PARVA: variants seen among roughly 807,000 people sequenced by gnomAD.
The protein encoded by PARVA is parvin alpha.
Under a neutral mutation model 52.6 loss-of-function variants are expected in PARVA, and 25 were observed. That is an observed-to-expected ratio of 0.48 (90% CI 0.35 to 0.66). The LOEUF is 0.66. PARVA is among the 30% of genes least tolerant of loss of function. PARVA has a pLI of 0.01. For synonymous variants in PARVA, 185 were observed against 179.1 expected, an observed-to-expected ratio of 1.03 and a Z score of -0.26; for missense variants, 373 against 450.9, an observed-to-expected ratio of 0.83 and a Z score of 1.56.
intron 1 of PARVA, among the ~76,000 whole-genome samples, chr11:12,379,936 T>A (rs1939461407): frequency 6.6e-6 from 1 of 152,190 alleles, no homozygotes; most frequent in Non-Finnish European, 1.5e-5. Context: ...TGAGAAATAT[T>A]GAAGCTCATG....
chr11:12,392,180 T>C (rs2134955128), intron 1 of PARVA, among the ~76,000 whole-genome samples: 1 of 152,082 alleles, frequency 6.6e-6, no homozygotes, highest in African/African-American at 2.4e-5. Flanking sequence ...TAGAATAATA[T>C]ATGGTGTTTT....
intron 5 of PARVA, among the ~76,000 whole-genome samples, chr11:12,497,734 GC>G (rs1445721183): frequency 6.6e-6 from 1 of 152,192 alleles, no homozygotes; most frequent in Admixed American, 6.5e-5. Context: ...AAGGAGAGGG[GC>G]TCTGTTTCAC....
At chr11:12,489,067 G>A (rs899295944) in intron 4 of PARVA, among the ~76,000 whole-genome samples, 36 of 151,918 alleles carry the variant, frequency 2.4e-4, no homozygotes, top group African/African-American at 8.5e-4. Flanking sequence ...GCTCATACCT[G>A]TAGCCCCAGC....
intron 4 of PARVA, among the ~76,000 whole-genome samples, chr11:12,484,136 A>G (rs1941125752): frequency 6.6e-6 from 1 of 152,192 alleles, no homozygotes; most frequent in African/African-American, 2.4e-5. Context: ...TACATTCACA[A>G]CACCTAGGCA....
intron 1 of PARVA, among the ~76,000 whole-genome samples, chr11:12,419,838 C>T (rs566629194): frequency 2.6e-5 from 4 of 152,196 alleles, no homozygotes; most frequent in East Asian, 1.9e-4. Flanking sequence ...CTAGCCCTAC[C>T]GTGGTTAATG....
chr11:12,380,064 T>C (rs556393843), intron 1 of PARVA, among the ~76,000 whole-genome samples: 3 of 152,308 alleles, frequency 2.0e-5, no homozygotes, highest in East Asian at 3.9e-4. Flanking sequence ...CTTGCTGAAG[T>C]AGGCTATCCT....
chr11:12,377,157 G>GGGC (rs1355398982), upstream of PARVA: 1 of 222,840 alleles, frequency 4.5e-6, no homozygotes, highest in African/African-American at 2.3e-5. Flanking sequence ...GCAGTCTTGT[G>GGGC]GGCGCAAGAC....
intron 1 of PARVA, among the ~76,000 whole-genome samples, chr11:12,384,236 G>A (rs1480998490): frequency 6.6e-6 from 1 of 152,186 alleles, no homozygotes. Context: ...AAAGTCTCCT[G>A]ATACTGGTTT....
intron 12 of PARVA, among the ~76,000 whole-genome samples, chr11:12,522,412 A>G (rs1941647790): frequency 1.6e-5 from 2 of 124,764 alleles, no homozygotes; most frequent in Admixed American, 1.9e-4. Context: ...ACAAATCAAG[A>G]GCTTTATTCT....
At chr11:12,428,784 T>C (rs999691630) in intron 1 of PARVA, among the ~76,000 whole-genome samples, 1 of 152,208 alleles carries the variant, frequency 6.6e-6, no homozygotes, top group Admixed American at 6.5e-5. Flanking sequence ...AGAAAGCTTC[T>C]GAGACTGACC....
At chr11:12,435,188 C>T (rs187207198) in intron 1 of PARVA, among the ~76,000 whole-genome samples, 1 of 152,286 alleles carries the variant, frequency 6.6e-6, no homozygotes, top group Admixed American at 6.5e-5. Flanking sequence ...TCTTGAAGCT[C>T]TCCTCTTCCT....
intron 1 of PARVA, 21 bp downstream of exon 1, chr11:12,377,804 C>T: frequency 2.7e-6 from 4 of 1,471,776 alleles, no homozygotes; most frequent in Non-Finnish European, 3.6e-6. Context: ...CCAGGCCGGC[C>T]GGGCGGGCGG....
chr11:12,399,728 A>T (rs12273097), intron 1 of PARVA, among the ~76,000 whole-genome samples: 24,743 of 152,018 alleles, frequency 0.16, 3,681 homozygotes, highest in African/African-American at 0.4. Context: ...TCATTACATT[A>T]CCCATTACAA....
chr11:12,415,007 C>T (rs1213392872), intron 1 of PARVA, among the ~76,000 whole-genome samples: 2 of 152,182 alleles, frequency 1.3e-5, no homozygotes, highest in African/African-American at 2.4e-5. Context: ...GACCTAGCGT[C>T]GGCTGTCAGG....
At chr11:12,431,340 C>T (rs925222680) in intron 1 of PARVA, among the ~76,000 whole-genome samples, 2 of 152,202 alleles carry the variant, frequency 1.3e-5, no homozygotes, top group Admixed American at 6.5e-5. Flanking sequence ...TCAATCTTGG[C>T]CTTGAGCCAC....
rs748647383 is a variant in PARVA, at chr11:12,508,607, T to C, written c.681T>C (p.Ser227=). Residue 227 remains serine (S), a synonymous_variant, in exon 7 of 13, where the codon TCT becomes TCC. Transcript: ENST00000334956. ...AGAAACGAGAAGGAATCCTCCAGTCTCGGCAAATCCAAGAGGAAATAACTG... is the reference window on the plus strand; with the variant it reads ...AGAAACGAGAAGGAATCCTCCAGTCCCGGCAAATCCAAGAGGAAATAACTG... ...VVQKREGILQ[S]RQIQEEITGN... 2 of 1,609,412 alleles carry C rather than the reference T, an allele frequency of 1.2e-6. No individual in the cohort carries two copies. The highest frequency in any genetic ancestry group is 2.7e-5 in the African/African-American group (2 of 74,528).
intron 8 of PARVA, among the ~76,000 whole-genome samples, chr11:12,511,815 G>A (rs989708042): frequency 4.6e-5 from 7 of 152,264 alleles, no homozygotes; most frequent in South Asian, 2.1e-4. Context: ...ATGAAGCCAC[G>A]ATTACACCCC....
intron 1 of PARVA, among the ~76,000 whole-genome samples, chr11:12,454,303 G>C (rs1474962875): frequency 6.6e-6 from 1 of 152,182 alleles, no homozygotes; most frequent in Non-Finnish European, 1.5e-5. Context: ...TGACTAAATA[G>C]TATAATTTTT....
intron 4 of PARVA, among the ~76,000 whole-genome samples, chr11:12,492,260 T>G (rs1313902851): frequency 6.6e-6 from 1 of 152,160 alleles, no homozygotes; most frequent in Non-Finnish European, 1.5e-5. Context: ...GGGTAATACC[T>G]TCAAAAACAA....
Sources: gnomAD v4.1 joint callset for allele counts (sites outside exome capture counted in the v4.1 genomes callset) on GRCh38, gnomAD v4.1.1 for gene constraint, MANE v1.5 for transcripts, NCBI Gene and HGNC (gene_info 2026-07-23, HGNC 2026-07-21) for gene names.